Variants in PSORS1C1 observed in about 807,000 individuals in gnomAD.
PSORS1C1 encodes the protein psoriasis susceptibility 1 candidate gene 1 protein.
In PSORS1C1, 7 loss-of-function variants were observed where a neutral mutation model predicts 9.4. That is an observed-to-expected ratio of 0.75 (90% CI 0.42 to 1.40). PSORS1C1 has a LOEUF of 1.40. Ranked by LOEUF, PSORS1C1 falls within the 40% of genes most tolerant of loss-of-function variation. The pLI is 0.01. For synonymous variants in PSORS1C1, 63 were observed against 69.4 expected (o/e 0.91, Z 0.46); for missense variants, 146 against 178.1 (o/e 0.82, Z 1.02).
intron 1 of PSORS1C1, chr6:31,117,012 G>C (rs775302190): frequency 6.2e-7 from 1 of 1,614,114 alleles, no homozygotes; most frequent in African/African-American, 1.3e-5. Flanking sequence ...ATACCCCAAA[G>C]GTCTGGGAAG....
At chr6:31,122,023 G>A (rs896165054) in intron 1 of PSORS1C1, among the ~76,000 whole-genome samples, 1 of 152,172 alleles carries the variant, frequency 6.6e-6, no homozygotes, top group East Asian at 1.9e-4. Context: ...GATAGGACAG[G>A]GTCCCCTGAA....
At chr6:31,133,894 G>A (rs1168777945) in intron 3 of PSORS1C1, among the ~76,000 whole-genome samples, 1 of 152,194 alleles carries the variant, frequency 6.6e-6, no homozygotes, top group Non-Finnish European at 1.5e-5. Flanking sequence ...ATTCTACTAG[G>A]CTCAACCTAC....
chr6:31,115,011 T>C lies in PSORS1C1; in HGVS notation c.-229+120T>C. On this transcript the variant is annotated intron_variant, in intron 1 of 5. Transcript: ENST00000259881. This position sits in a 1 kb window ranked among gnomAD's most constrained non-coding sequence, Gnocchi z 4.2. ...GGGGGACCCCACGGTGAATGAGGAA[T>C]GGGAAGAGAATGGATTTCCTGGAGC... 2.5e-6 allele frequency: 1 copy of C among 405,282 alleles called. No homozygotes were observed. The highest frequency in any genetic ancestry group is 1.8e-5 in the South Asian group (1 of 54,918). 25.1% of individuals were successfully genotyped at this position (405,282 alleles called of 1,614,324 possible).
chr6:31,130,267 T>TA (rs1285317200), intron 3 of PSORS1C1, among the ~76,000 whole-genome samples: 1 of 151,634 alleles, frequency 6.6e-6, no homozygotes, highest in Non-Finnish European at 1.5e-5. Context: ...CACAATTTTT[T>TA]TTTTTTTTCT....
intron 1 of PSORS1C1, among the ~76,000 whole-genome samples, chr6:31,122,916 AG>A (rs1383104626): frequency 6.6e-6 from 1 of 152,138 alleles, no homozygotes; most frequent in Non-Finnish European, 1.5e-5. Context: ...GGCAGAGGGC[AG>A]GGAGGAGTGG....
At chr6:31,138,333 G>C (rs758146892) in intron 3 of PSORS1C1, 97 bp from the exon 4 acceptor site, 2 of 1,608,078 alleles carry the variant, frequency 1.2e-6, no homozygotes, top group Admixed American at 1.7e-5. Context: ...AGAAAGGTAA[G>C]AGGTGGTGAG....
At chr6:31,126,668 C>T (rs1376492307) in intron 2 of PSORS1C1, among the ~76,000 whole-genome samples, 1 of 152,218 alleles carries the variant, frequency 6.6e-6, no homozygotes, top group South Asian at 2.1e-4. Context: ...GCACTGCAGC[C>T]GGCACTTGGG....
chr6:31,122,511 C>T (rs3130993), intron 1 of PSORS1C1, among the ~76,000 whole-genome samples: 52,685 of 151,840 alleles, frequency 0.35, 9,525 homozygotes, highest in South Asian at 0.54. Flanking sequence ...CACGGTGGCT[C>T]ACGCTTGTAA....
chr6:31,129,186 T>C (rs973334705), intron 2 of PSORS1C1, among the ~76,000 whole-genome samples: 6 of 152,212 alleles, frequency 3.9e-5, no homozygotes, highest in African/African-American at 1.4e-4. Context: ...TTTTTTTTCA[T>C]TGGCCAAGCA....
intron 1 of PSORS1C1, among the ~76,000 whole-genome samples, chr6:31,125,121 GGAA>G (rs1244380262): frequency 6.6e-6 from 1 of 152,174 alleles, no homozygotes; most frequent in Non-Finnish European, 1.5e-5. Context: ...GCTTAGGCTT[GGAA>G]GAAGGAAAAT....
chr6:31,135,073 C>G (rs1773084737), intron 3 of PSORS1C1, among the ~76,000 whole-genome samples: 2 of 152,178 alleles, frequency 1.3e-5, no homozygotes, highest in Admixed American at 1.3e-4. Flanking sequence ...GATTCGGCCT[C>G]CCGAAGTGCT....
At position 31,128,045 on chromosome 6, in the gene PSORS1C1, G is replaced by T. The variant is rs1772761132; in HGVS notation, c.-64-1524G>T. Among the ~76,000 whole-genome samples the T allele has an allele frequency of 1.3e-5, 2 of 152,182 alleles. No homozygotes were observed. The highest frequency in any genetic ancestry group is 2.9e-5 in the Non-Finnish European group (2 of 68,030). ...GACCGCTGGCTCATGAAATAATCAGGGAGAGAATGTGTAAATGATGATCGT... is the reference window on the plus strand; with the variant it reads ...GACCGCTGGCTCATGAAATAATCAGTGAGAGAATGTGTAAATGATGATCGT... On this transcript the variant is annotated intron_variant, in intron 2 of 5. Transcript: ENST00000259881. The surrounding 1 kb of genome is among the most constrained non-coding windows in gnomAD (Gnocchi z 4.3).
At position 31,138,405 on chromosome 6, in the gene PSORS1C1, G is replaced by A. The variant is rs374919752; in HGVS notation, c.14-25G>A. On this transcript the variant is annotated intron_variant, in intron 3 of 5. Transcript: ENST00000259881. ...GGAGGAGGAGCCTGTCTGGATGGAC[G>A]CAGCCTGAACTGACCCACAAACAGA... 109 of 1,597,340 alleles carry A rather than the reference G, an allele frequency of 6.8e-5. 1 individual carries two copies. The highest frequency in any genetic ancestry group is 5.0e-4 in the Admixed American group (30 of 59,426).
chr6:31,114,869 C>G lies in PSORS1C1; in HGVS notation c.-251C>G, dbSNP rs1206929689. The stretch of plus-strand genomic sequence containing the variant: ...CCCAGGAAATCGAGACTCATGACTC[C>G]CAGAGAGGATGGCATCTAGAAGGTG... On this transcript the variant is annotated 5_prime_UTR_variant, in exon 1 of 6. Coordinates refer to ENST00000259881, the MANE Select transcript of PSORS1C1 (RefSeq NM_014068.3). The G allele has an allele frequency of 2.2e-6, 1 of 455,580 alleles. No individual in the cohort carries two copies. The highest frequency in any genetic ancestry group is 7.0e-5 in the East Asian group (1 of 14,368). 28.2% of individuals were successfully genotyped at this position (455,580 alleles called of 1,614,324 possible). A position where few individuals can be genotyped will look rare whatever the true frequency, so the allele number is the denominator to read the frequency against.
At chr6:31,120,550 G>A (rs1562757484) in intron 1 of PSORS1C1, 2 of 791,394 alleles carry the variant, frequency 2.5e-6, no homozygotes, top group Non-Finnish European at 4.3e-6. Context: ...GGTGCCCCAG[G>A]GGAAGTTGGT....
chr6:31,128,126 T>C lies in PSORS1C1; in HGVS notation c.-64-1443T>C, dbSNP rs913697259. Among the ~76,000 whole-genome samples the C allele has an allele frequency of 6.6e-6, 1 of 152,218 alleles. No individual in the cohort carries two copies. The highest frequency in any genetic ancestry group is 2.4e-5 in the African/African-American group (1 of 41,452). On this transcript the variant is annotated intron_variant, in intron 2 of 5. Transcript: ENST00000259881. The surrounding 1 kb of genome is among the most constrained non-coding windows in gnomAD (Gnocchi z 4.3). ...GAATTTTCCTGAGGGCTTCAGAGCCTGTCTCGCCTCGCCTCACATGCCTGG... is the reference window on the plus strand; with the variant it reads ...GAATTTTCCTGAGGGCTTCAGAGCCCGTCTCGCCTCGCCTCACATGCCTGG...
At chr6:31,127,863 G>A (rs1349884859) in intron 2 of PSORS1C1, among the ~76,000 whole-genome samples, 4 of 151,848 alleles carry the variant, frequency 2.6e-5, no homozygotes, top group African/African-American at 9.7e-5. Context: ...CTATTTCCTC[G>A]CTCTGCCTAA....
At chr6:31,136,337 A>G (rs1239531013) in intron 3 of PSORS1C1, among the ~76,000 whole-genome samples, 5 of 146,752 alleles carry the variant, frequency 3.4e-5, no homozygotes, top group Non-Finnish European at 6.0e-5. Context: ...CAGTGAGCTG[A>G]TATCTGTCGT....
intron 1 of PSORS1C1, among the ~76,000 whole-genome samples, chr6:31,123,100 A>G (rs1772535358): frequency 6.6e-6 from 1 of 152,186 alleles, no homozygotes; most frequent in South Asian, 2.1e-4. Context: ...TGGCCAAGAC[A>G]GCCAGGCTGG....
Sources: allele counts gnomAD v4.1 joint callset (sites outside exome capture counted in the v4.1 genomes callset), GRCh38; gene constraint gnomAD v4.1.1; non-coding constraint Gnocchi (gnomAD v3.1); transcripts MANE v1.5; gene names NCBI Gene and HGNC (gene_info 2026-07-23, HGNC 2026-07-21).